Variants in C10orf105 observed in about 807,000 individuals in gnomAD.
C10orf105 encodes the protein chromosome 10 open reading frame 105, also known as uncharacterized protein C10orf105.
Under a neutral mutation model 0.6 loss-of-function variants are expected in C10orf105, and 2 were observed. The observed-to-expected ratio is 3.18, with a 90% CI of 1.30 to 10.01. The LOEUF (loss-of-function observed/expected upper bound fraction) is 10.01, where lower values mean the gene tolerates loss of function less well. Ranked by LOEUF, C10orf105 falls within the 30% of genes most tolerant of loss-of-function variation. The pLI is 0.04. For synonymous variants in C10orf105, 95 were observed against 82.4 expected, an observed-to-expected ratio of 1.15 and a Z score of -0.83; for missense variants, 209 against 191.4, an observed-to-expected ratio of 1.09 and a Z score of -0.54.
chr10:71,732,483 ATGGCCAAGTG>A, intron 1 of C10orf105: 5 of 1,476,902 alleles, frequency 3.4e-6, no homozygotes, highest in Non-Finnish European at 4.6e-6. Flanking sequence ...TGTCCTTGAG[ATGGCCAAGTG>A]TGGTGTTAGG....
chr10:71,727,790 A>G (rs958095578), intron 1 of C10orf105, among the ~76,000 whole-genome samples: 1 of 152,242 alleles, frequency 6.6e-6, no homozygotes, highest in Non-Finnish European at 1.5e-5. Context: ...GGACAGGCAC[A>G]GCACTGGACA....
At chr10:71,733,775 C>A (rs886643589) in intron 1 of C10orf105, among the ~76,000 whole-genome samples, 1 of 152,202 alleles carries the variant, frequency 6.6e-6, no homozygotes, top group African/African-American at 2.4e-5. Context: ...TTCGTCTTTG[C>A]TTTAGTGTAT....
chr10:71,731,988 G>A lies in C10orf105; in HGVS notation c.-6+5740C>T, dbSNP rs751306469. The A allele has an allele frequency of 1.2e-6, 2 of 1,613,318 alleles. No individual in the cohort carries two copies. Among genetic ancestry groups the A allele is most frequent in the Admixed American group, 1.7e-5 (1 of 59,988 alleles). On this transcript the variant is annotated intron_variant, in intron 1 of 1. Transcript: ENST00000398786. ...CACAGCCTCTGTGTCCTCCTACAGGGGATGGTGGCCTGGTGAACTACCGCA... is the reference window on the plus strand; with the variant it reads ...CACAGCCTCTGTGTCCTCCTACAGGAGATGGTGGCCTGGTGAACTACCGCA...
chr10:71,721,228 T>C (rs1866541325), upstream of C10orf105, among the ~76,000 whole-genome samples: 1 of 152,152 alleles, frequency 6.6e-6, no homozygotes, highest in South Asian at 2.1e-4. Flanking sequence ...ATCTGGACAA[T>C]TGAAGCACCC....
At position 71,712,821 on chromosome 10, in the gene C10orf105, GC is replaced by G. The variant is rs1564749438; in HGVS notation, c.*3114del. 6.2e-7 allele frequency: 1 copy of G among 1,609,480 alleles called. No individual in the cohort carries two copies. Among genetic ancestry groups the G allele is most frequent in the South Asian group, 1.1e-5 (1 of 90,152 alleles). ...GGCCACAGCATCTTGCAGGCAGGTG[GC>G]CCGTGGCCTCTGGGGCAGGTGGTGG... On this transcript the variant is annotated 3_prime_UTR_variant, in exon 2 of 2. Coordinates refer to ENST00000441508, the MANE Select transcript of C10orf105 (RefSeq NM_001164375.3).
At chr10:71,732,721 A>G (rs1839432382) in intron 1 of C10orf105, 3 of 1,208,542 alleles carry the variant, frequency 2.5e-6, no homozygotes, top group South Asian at 2.4e-5. Context: ...GTTTATACCT[A>G]TGCAGGCTGG....
At position 71,713,522 on chromosome 10, in the gene C10orf105, C is replaced by T. The variant is rs188066124; in HGVS notation, c.*2414G>A. 9.1e-5 allele frequency: 48 copies of T among 527,328 alleles called. No individual in the cohort carries two copies. The highest frequency in any genetic ancestry group is 2.8e-4 in the Admixed American group (8 of 29,074). 32.7% of individuals were successfully genotyped at this position (527,328 alleles called of 1,614,324 possible). On this transcript the variant is annotated 3_prime_UTR_variant, in exon 2 of 2. Transcript: ENST00000441508. Reference sequence around the variant, plus strand: ...AGCGTGGGAGGCTGGCAATGCTCCCCTCCCTGCATCGGGACCAGGAGGCGG... The same window carrying T: ...AGCGTGGGAGGCTGGCAATGCTCCCTTCCCTGCATCGGGACCAGGAGGCGG...
At chr10:71,721,587 A>G (rs10999973), upstream of C10orf105, among the ~76,000 whole-genome samples, 3,114 of 152,258 alleles carry the variant, frequency 0.02, 218 homozygotes, top group East Asian at 0.19. Context: ...GGTGTGCCTG[A>G]CCCAGGGCCC....
intron 1 of C10orf105, chr10:71,732,714 T>C (rs1410858471): frequency 1.6e-6 from 2 of 1,250,140 alleles, no homozygotes; most frequent in Admixed American, 3.8e-5. Context: ...AGATAAAGTT[T>C]ATACCTATGC....
At chr10:71,724,891 G>A (rs1447761498) in intron 1 of C10orf105, among the ~76,000 whole-genome samples, 2 of 152,202 alleles carry the variant, frequency 1.3e-5, no homozygotes, top group Admixed American at 1.3e-4. Flanking sequence ...GAAAAATCAG[G>A]GTGCTGTGCC....
chr10:71,716,016 GC>G lies in C10orf105; in HGVS notation c.321del (p.Thr109ProfsTer83). 1 of 1,499,982 alleles carries G rather than the reference GC, an allele frequency of 6.7e-7. No homozygotes were observed. The highest frequency in any genetic ancestry group is 8.9e-7 in the Non-Finnish European group (1 of 1,123,856). 92.9% of individuals were successfully genotyped at this position (1,499,982 alleles called of 1,614,324 possible). A position where few individuals can be genotyped will look rare whatever the true frequency, so the allele number is the denominator to read the frequency against. On this transcript the variant is annotated frameshift_variant, in exon 2 of 2. Coordinates refer to ENST00000441508, the MANE Select transcript of C10orf105 (RefSeq NM_001164375.3). LOFTEE classifies it low-confidence loss of function (END_TRUNC). The part of the protein sequence containing the change: ...RLSLHSFRHG[R>X]PTVPRQPLPG... ...GGCAGGGGCTGTCGAGGGACGGTGGGCCGGCCATGGCGGAAGCTGTGCAGGG... is the reference window on the plus strand; with the variant it reads ...GGCAGGGGCTGTCGAGGGACGGTGGGCGGCCATGGCGGAAGCTGTGCAGGG...
chr10:71,723,414 CA>C (rs1047237051), upstream of C10orf105, among the ~76,000 whole-genome samples: 4 of 152,156 alleles, frequency 2.6e-5, no homozygotes, highest in African/African-American at 7.2e-5. Flanking sequence ...CGTCCCCCCC[CA>C]CACACAAGCC....
At chr10:71,721,482 C>T (rs571308081), upstream of C10orf105, among the ~76,000 whole-genome samples, 1 of 152,142 alleles carries the variant, frequency 6.6e-6, no homozygotes, top group Non-Finnish European at 1.5e-5. Flanking sequence ...ATCATTGTGC[C>T]CAGTCTAGAG....
chr10:71,719,896 G>A (rs1365770093), upstream of C10orf105: 1 of 152,848 alleles, frequency 6.5e-6, no homozygotes, highest in Non-Finnish European at 1.5e-5. Flanking sequence ...AGAGGGAGAG[G>A]GGAGCTGTCC....
At chr10:71,718,914 A>G (rs2132783079) in intron 1 of C10orf105, among the ~76,000 whole-genome samples, 1 of 152,160 alleles carries the variant, frequency 6.6e-6, no homozygotes, top group African/African-American at 2.4e-5. Context: ...AAGAAAAAAA[A>G]AAAAGGTTTT....
At position 71,728,098 on chromosome 10, in the gene C10orf105, G is replaced by C. The variant is rs1296516642; in HGVS notation, c.-6+9630C>G. On this transcript the variant is annotated intron_variant, in intron 1 of 1. Transcript: ENST00000398786. Reference sequence around the variant, plus strand: ...GGAGTCAAGGTCATTTGGACAAGCAGATTGAGGAAGGGTAAGGCGCACAGT... The same window carrying C: ...GGAGTCAAGGTCATTTGGACAAGCACATTGAGGAAGGGTAAGGCGCACAGT... 7.2e-5 allele frequency among the ~76,000 whole-genome samples: 11 copies of C among 152,148 alleles called. 1 individual carries two copies.
intron 1 of C10orf105, among the ~76,000 whole-genome samples, chr10:71,726,622 C>G (rs1372386850): frequency 6.6e-6 from 1 of 152,236 alleles, no homozygotes; most frequent in Non-Finnish European, 1.5e-5. Context: ...GATGGAGACT[C>G]AGACACAGTA....
intron 1 of C10orf105, among the ~76,000 whole-genome samples, chr10:71,725,962 C>T (rs763653825): frequency 4.0e-5 from 6 of 151,152 alleles, no homozygotes; most frequent in Non-Finnish European, 8.9e-5. Context: ...AGTTCAGTGC[C>T]CTTTCCAATG....
Position 71,713,321 on chromosome 10 carries a change from AC to A in C10orf105, c.*2614del. ...AGGGAGAGAAGGGAGGACCCTGAAA[AC>A]AATTTGGGTGTGCACCCACACCTCT... On this transcript the variant is annotated 3_prime_UTR_variant, in exon 2 of 2. Transcript: ENST00000441508. The A allele has an allele frequency of 1.3e-6, 1 of 778,106 alleles. No individual in the cohort carries two copies. The highest frequency in any genetic ancestry group is 2.4e-6 in the Non-Finnish European group (1 of 417,508). 48.2% of individuals were successfully genotyped at this position (778,106 alleles called of 1,614,324 possible).
Sources: gnomAD v4.1 joint callset for allele counts (sites outside exome capture counted in the v4.1 genomes callset) on GRCh38, gnomAD v4.1.1 for gene constraint, MANE v1.5 for transcripts, NCBI Gene and HGNC (gene_info 2026-07-23, HGNC 2026-07-21) for gene names.